DNAI7: variants seen among roughly 807,000 people sequenced by gnomAD.
The protein encoded by DNAI7 is cancer susceptibility 1.
DNAI7 carries 78 observed loss-of-function variants against 86.6 expected under a neutral mutation model. The ratio of observed to expected loss-of-function variants is 0.90; its 90% CI spans 0.75 to 1.09. The LOEUF (loss-of-function observed/expected upper bound fraction) is 1.09. Ranked by LOEUF, DNAI7 falls within the 50% of genes least tolerant of loss-of-function variation. The pLI is 0.00. For missense variants in DNAI7, 753 were observed against 810.2 expected (o/e 0.93, Z 0.86); for synonymous variants, 274 against 273.0 (o/e 1.00, Z -0.04).
At chr12:25,132,873 A>G (rs1943092161) in intron 9 of DNAI7, among the ~76,000 whole-genome samples, 1 of 140,920 alleles carries the variant, frequency 7.1e-6, no homozygotes, top group African/African-American at 3.2e-5. Context: ...ATGTGTACAA[A>G]TTCTTTATAT....
At chr12:25,170,233 AT>A (rs911219633) in intron 2 of DNAI7, among the ~76,000 whole-genome samples, 1 of 151,918 alleles carries the variant, frequency 6.6e-6, no homozygotes, top group African/African-American at 2.4e-5. Context: ...TCTACTAAAA[AT>A]ACAACAATTA....
chr12:25,118,880 T>C (rs968093012), intron 12 of DNAI7, among the ~76,000 whole-genome samples: 3 of 152,236 alleles, frequency 2.0e-5, no homozygotes, highest in African/African-American at 7.2e-5. Context: ...CACTCGTTTT[T>C]TAGAAACATA....
chr12:25,120,342 G>GAGAGAGAGAGAGAGAGA (rs71065905), intron 11 of DNAI7, among the ~76,000 whole-genome samples: 243 of 137,870 alleles, frequency 1.8e-3, no homozygotes, highest in South Asian at 3.6e-3. Context: ...GAGAGAGAGA[G>GAGAGAGAGAGAGAGAGA]GAAGGAAGGG....
At chr12:25,111,664 A>G (rs1376097167) in intron 14 of DNAI7, 108 bp downstream of exon 14, 1 of 494,900 alleles carries the variant, frequency 2.0e-6, no homozygotes, top group Non-Finnish European at 2.9e-6. Context: ...AATACTGTAT[A>G]AATGAATATA....
At chr12:25,108,082 G>A (rs749091424), downstream of DNAI7, 15 of 1,600,918 alleles carry the variant, frequency 9.4e-6, no homozygotes, top group Non-Finnish European at 1.2e-5. Flanking sequence ...CCTAATATAT[G>A]GATCTTGATT....
chr12:25,128,739 A>G (rs928956543), intron 9 of DNAI7, among the ~76,000 whole-genome samples: 3 of 152,204 alleles, frequency 2.0e-5, no homozygotes, highest in African/African-American at 7.2e-5. Context: ...AAACATATTC[A>G]TCTTTCTATA....
chr12:25,122,486 A>G (rs1941473151), intron 10 of DNAI7, among the ~76,000 whole-genome samples: 3 of 151,710 alleles, frequency 2.0e-5, no homozygotes, highest in Admixed American at 6.6e-5. Flanking sequence ...AAGAAGAAGA[A>G]GAAAGAAAAA....
Position 25,176,254 on chromosome 12 carries a change from T to C in DNAI7, c.21+14360A>G, listed in dbSNP as rs115700451. Among the ~76,000 whole-genome samples the C allele has an allele frequency of 6.2e-3, 941 of 152,252 alleles. 9 individuals are homozygous for C. Among genetic ancestry groups the C allele is most frequent in the African/African-American group, 0.021 (880 of 41,570 alleles). On this transcript the variant is annotated intron_variant, in intron 2 of 15. Coordinates refer to ENST00000395987, the MANE Select transcript of DNAI7 (RefSeq NM_018272.5). ...CTAATGTAATATACTTGAAAAACTTTTGTTGATCCTTTTATATTTGTTATA... is the reference window on the plus strand; with the variant it reads ...CTAATGTAATATACTTGAAAAACTTCTGTTGATCCTTTTATATTTGTTATA...
At chr12:25,180,137 A>G (rs528212816) in intron 2 of DNAI7, among the ~76,000 whole-genome samples, 27 of 152,332 alleles carry the variant, frequency 1.8e-4, no homozygotes, top group African/African-American at 6.5e-4. Context: ...TCTACACACC[A>G]ACAACGTTTA....
intron 12 of DNAI7, among the ~76,000 whole-genome samples, chr12:25,116,644 C>T (rs185178388): frequency 1.3e-5 from 2 of 152,288 alleles, no homozygotes; most frequent in Non-Finnish European, 2.9e-5. Flanking sequence ...GCATTACAGG[C>T]ACGTGACACC....
Position 25,155,339 on chromosome 12 carries a change from A to C in DNAI7, c.272T>G (p.Leu91Trp), listed in dbSNP as rs755297578. ...AGAAAGCAATTTAGTTTCCTGTTTC[A>C]ATTTCTCTGCTTCAGGAAAACACCT... Reference protein sequence around the residue: ...LERCFPEAEKLKQETKLLSQW... With the variant: ...LERCFPEAEKWKQETKLLSQW... Residue 91 changes from leucine (L) to tryptophan (W), a missense_variant, in exon 5 of 16, where the codon TTG (leucine) becomes TGG (tryptophan). Coordinates refer to ENST00000395987, the MANE Select transcript of DNAI7 (RefSeq NM_018272.5). The C allele has an allele frequency of 6.2e-7, 1 of 1,604,174 alleles. No homozygotes were observed. The highest frequency in any genetic ancestry group is 1.1e-5 in the South Asian group (1 of 89,842).
chr12:25,116,012 C>T (rs1343759890), intron 12 of DNAI7, among the ~76,000 whole-genome samples: 3 of 151,966 alleles, frequency 2.0e-5, no homozygotes, highest in South Asian at 2.1e-4. Flanking sequence ...GGTGTTTACC[C>T]ATCTGCCCCT....
intron 2 of DNAI7, among the ~76,000 whole-genome samples, chr12:25,164,144 G>C (rs1010235478): frequency 1.4e-5 from 2 of 139,192 alleles, no homozygotes; most frequent in Non-Finnish European, 3.1e-5. Flanking sequence ...CCCCTTCTCC[G>C]CTTTTCTGGG....
At chr12:25,185,769 T>C in intron 2 of DNAI7, 1 of 984,258 alleles carries the variant, frequency 1.0e-6, no homozygotes, top group Non-Finnish European at 1.2e-6. Flanking sequence ...CTGAAGCCTG[T>C]TTGTGATGAC....
chr12:25,119,034 G>A, intron 12 of DNAI7, 111 bp downstream of exon 12: 1 of 818,350 alleles, frequency 1.2e-6, no homozygotes. Flanking sequence ...CCTTGAATTG[G>A]CATAGAAATA....
intron 9 of DNAI7, among the ~76,000 whole-genome samples, chr12:25,136,277 A>G (rs1253232645): frequency 6.6e-6 from 1 of 152,214 alleles, no homozygotes; most frequent in African/African-American, 2.4e-5. Flanking sequence ...GGAGCGCAGT[A>G]GCTCCACTGG....
At chr12:25,144,964 G>T (rs1944646346) in intron 8 of DNAI7, among the ~76,000 whole-genome samples, 1 of 152,038 alleles carries the variant, frequency 6.6e-6, no homozygotes, top group Non-Finnish European at 1.5e-5. Context: ...ATATTACTCA[G>T]TGCTCCATCC....
chr12:25,170,462 C>A (rs543455653), intron 2 of DNAI7, among the ~76,000 whole-genome samples: 1 of 151,828 alleles, frequency 6.6e-6, no homozygotes, highest in South Asian at 2.1e-4. Context: ...AACACTGGAG[C>A]TCCCAAATTT....
chr12:25,150,846 CAACA>C (rs1945454754), intron 6 of DNAI7, among the ~76,000 whole-genome samples: 1 of 152,054 alleles, frequency 6.6e-6, no homozygotes, highest in African/African-American at 2.4e-5. Flanking sequence ...CAAAATATAA[CAACA>C]ATCAGGAGAA....
Sources: allele counts gnomAD v4.1 joint callset (sites outside exome capture counted in the v4.1 genomes callset), GRCh38; gene constraint gnomAD v4.1.1; transcripts MANE v1.5; gene names NCBI Gene and HGNC (gene_info 2026-07-23, HGNC 2026-07-21).